Variants in THUMPD2 observed in about 807,000 individuals in gnomAD.
THUMPD2 encodes U6 snRNA (guanine-N(2))-methyltransferase THUMPD2.
THUMPD2 carries 56 observed loss-of-function variants against 49.4 expected under a neutral mutation model. The observed-to-expected ratio is 1.13, with a 90% CI of 0.91 to 1.41. The LOEUF (loss-of-function observed/expected upper bound fraction) is 1.41. THUMPD2 is among the 40% of genes most tolerant of loss of function. THUMPD2 has a pLI of 0.00. For missense variants in THUMPD2, 709 were observed against 594.5 expected, an observed-to-expected ratio of 1.19 and a Z score of -2.00; for synonymous variants, 237 against 205.2, an observed-to-expected ratio of 1.15 and a Z score of -1.32.
chr2:39,772,187 G>C (rs1242459518), intron 1 of THUMPD2, among the ~76,000 whole-genome samples: 5 of 152,236 alleles, frequency 3.3e-5, no homozygotes, highest in Non-Finnish European at 7.3e-5. Flanking sequence ...ACAAGGGGCA[G>C]ATGCGGAAGT....
chr2:39,737,993 A>G (rs1673356205), intron 9 of THUMPD2, among the ~76,000 whole-genome samples: 1 of 152,182 alleles, frequency 6.6e-6, no homozygotes, highest in Non-Finnish European at 1.5e-5. Context: ...GGATTCCACC[A>G]GAGAGCTGGA....
intron 9 of THUMPD2, among the ~76,000 whole-genome samples, chr2:39,739,232 G>T (rs1673567005): frequency 6.6e-6 from 1 of 152,000 alleles, no homozygotes; most frequent in Admixed American, 6.6e-5. Context: ...GGCATCCAAG[G>T]CTCCTACACA....
chr2:39,770,335 T>C (rs1357805744), intron 2 of THUMPD2, among the ~76,000 whole-genome samples: 4 of 152,114 alleles, frequency 2.6e-5, no homozygotes, highest in African/African-American at 9.7e-5. Context: ...ATAGCATCCG[T>C]ATTGTGTTAA....
intron 9 of THUMPD2, among the ~76,000 whole-genome samples, chr2:39,740,259 T>C (rs1673720014): frequency 6.6e-6 from 1 of 152,218 alleles, no homozygotes; most frequent in Non-Finnish European, 1.5e-5. Context: ...TAAATATTCA[T>C]CCATAAGCAC....
chr2:39,755,685 A>C (rs1027551969), intron 7 of THUMPD2, among the ~76,000 whole-genome samples: 1 of 152,194 alleles, frequency 6.6e-6, no homozygotes, highest in East Asian at 1.9e-4. Flanking sequence ...GAATTCTCTC[A>C]TATTTTCCTA....
In THUMPD2 at chr2:39,740,921, G is replaced by A. The variant is rs147281132; in HGVS notation, c.1187+3449C>T. On this transcript the variant is annotated intron_variant, in intron 9 of 9. Coordinates refer to ENST00000505747, the MANE Select transcript of THUMPD2 (RefSeq NM_025264.5). ...GAGATGAGTTCTTGCTATGTTGTCCGGGCTAGTCTTGAATTCCTGGCCTCA... is the reference window on the plus strand; with the variant it reads ...GAGATGAGTTCTTGCTATGTTGTCCAGGCTAGTCTTGAATTCCTGGCCTCA... 4.2e-3 allele frequency among the ~76,000 whole-genome samples: 638 copies of A among 151,986 alleles called. 5 individuals are homozygous for A. The highest frequency in any genetic ancestry group is 0.014 in the African/African-American group (587 of 41,466).
chr2:39,769,246 A>T, intron 3 of THUMPD2: 1 of 359,084 alleles, frequency 2.8e-6, no homozygotes, highest in Non-Finnish European at 5.3e-6. Flanking sequence ...ATTACTTGGA[A>T]TGGCATACCA....
chr2:39,755,335 G>A lies in THUMPD2; in HGVS notation c.1038C>T (p.Gly346=), dbSNP rs539674967. ...LGTWDNLKAA[G]LEDKIELLKI... is the part of the protein sequence containing the mutation. Reference sequence around the variant, plus strand: ...TAAGTAATTCAATTTTATCCTCAAGGCCTGCAGCTTTCAGATTGTCCCAAG... The same window carrying A: ...TAAGTAATTCAATTTTATCCTCAAGACCTGCAGCTTTCAGATTGTCCCAAG... Residue 346 remains glycine, a synonymous_variant, in exon 8 of 10, where the codon GGC becomes GGT. Coordinates refer to ENST00000505747, the MANE Select transcript of THUMPD2 (RefSeq NM_025264.5). The A allele has an allele frequency of 2.6e-5, 40 of 1,545,868 alleles. No individual in the cohort carries two copies. The South Asian group carries it at 3.6e-4, about 14-fold the overall frequency.
chr2:39,736,138 G>A lies in THUMPD2; in HGVS notation c.*597C>T, dbSNP rs1353129874. The stretch of plus-strand genomic sequence containing the variant: ...ACTGACTTTCTATATAAATAAGGGC[G>A]AGGTGACAGTGTATGAATGCTTTTA... On this transcript the variant is annotated 3_prime_UTR_variant, in exon 10 of 10. Transcript: ENST00000505747. 6.6e-6 allele frequency: 1 copy of A among 152,184 alleles called. No individual in the cohort carries two copies. Among genetic ancestry groups the A allele is most frequent in the Non-Finnish European group, 1.5e-5 (1 of 68,060 alleles). The allele number at this position is 152,184 out of a possible 1,614,324, so 9.4% of individuals were successfully genotyped here.
intron 9 of THUMPD2, 47 bp from the exon 10 acceptor site, chr2:39,737,106 CAACA>C (rs760657142): frequency 7.3e-6 from 11 of 1,498,140 alleles, no homozygotes; most frequent in Admixed American, 2.1e-5. Flanking sequence ...CCTTTCTAGA[CAACA>C]AACAATCCCA....
intron 8 of THUMPD2, among the ~76,000 whole-genome samples, chr2:39,753,330 T>C (rs1410815161): frequency 6.6e-6 from 1 of 152,150 alleles, no homozygotes; most frequent in South Asian, 2.1e-4. Context: ...AGCTGATCTA[T>C]CTTTCTTCCC....
At chr2:39,766,210 TA>T in intron 4 of THUMPD2, 101 bp from the exon 5 acceptor site, 1 of 858,654 alleles carries the variant, frequency 1.2e-6, no homozygotes. Flanking sequence ...ATCTATGTTT[TA>T]AAAAGAAACT....
intron 3 of THUMPD2, chr2:39,769,486 G>C: frequency 2.5e-6 from 1 of 404,664 alleles, no homozygotes. Context: ...TGGATCACTT[G>C]AGGTCAGGAG....
intron 4 of THUMPD2, among the ~76,000 whole-genome samples, chr2:39,766,831 T>C (rs1286538478): frequency 1.3e-5 from 2 of 152,154 alleles, no homozygotes; most frequent in Non-Finnish European, 2.9e-5. Context: ...ATCAATTTCA[T>C]CAAGAAAAGA....
At chr2:39,770,372 C>T (rs906813135) in intron 2 of THUMPD2, among the ~76,000 whole-genome samples, 1 of 151,800 alleles carries the variant, frequency 6.6e-6, no homozygotes, top group East Asian at 1.9e-4. Flanking sequence ...CCATATAATA[C>T]CCTAGAAAGA....
chr2:39,748,184 T>C (rs1016779689), intron 8 of THUMPD2, among the ~76,000 whole-genome samples: 2 of 152,212 alleles, frequency 1.3e-5, no homozygotes, highest in African/African-American at 2.4e-5. Context: ...ATTTCCAGTA[T>C]ATTCTGAATA....
chr2:39,762,171 C>G (rs1171404976), intron 5 of THUMPD2, among the ~76,000 whole-genome samples: 1 of 152,126 alleles, frequency 6.6e-6, no homozygotes, highest in African/African-American at 2.4e-5. Flanking sequence ...TTCACTTCTA[C>G]AATTTGTTGG....
rs375171320 is a variant in THUMPD2, at chr2:39,763,098, T to C, written c.804-1680A>G. On this transcript the variant is annotated intron_variant, in intron 5 of 9. Coordinates refer to ENST00000505747, the MANE Select transcript of THUMPD2 (RefSeq NM_025264.5). Reference sequence around the variant, plus strand: ...CTTGAAAATAAAAATAATGCTTTACTTTCAGAGAACCTAGCTAATGTACAC... The same window carrying C: ...CTTGAAAATAAAAATAATGCTTTACCTTCAGAGAACCTAGCTAATGTACAC... Among the ~76,000 whole-genome samples, 30 of 152,158 alleles carry C rather than the reference T, an allele frequency of 2.0e-4. No homozygotes were observed. The East Asian group carries it at 2.7e-3, about 14-fold the overall frequency.
chr2:39,762,158 T>C (rs1676902346), intron 5 of THUMPD2, among the ~76,000 whole-genome samples: 1 of 152,170 alleles, frequency 6.6e-6, no homozygotes, highest in Non-Finnish European at 1.5e-5. Flanking sequence ...CAAGCTTTTC[T>C]AGTTCACTTC....
Sources: gnomAD v4.1 joint callset for allele counts (sites outside exome capture counted in the v4.1 genomes callset) on GRCh38, gnomAD v4.1.1 for gene constraint, MANE v1.5 for transcripts, NCBI Gene and HGNC (gene_info 2026-07-23, HGNC 2026-07-21) for gene names.